CFAP54: variants seen among roughly 807,000 people sequenced by gnomAD.
CFAP54 encodes the protein cilia- and flagella-associated protein 54.
In CFAP54, 290 loss-of-function variants were observed where a neutral mutation model predicts 370.4. That is an observed-to-expected ratio of 0.78 (90% CI 0.71 to 0.86). The LOEUF is 0.86. Among genes scored for constraint, CFAP54 ranks in the 40% least tolerant of loss-of-function variants. The pLI is 0.00. For synonymous variants in CFAP54, 1,206 were observed against 1,236.5 expected, an observed-to-expected ratio of 0.98 and a Z score of 0.52; for missense variants, 3,399 against 3,528.7, an observed-to-expected ratio of 0.96 and a Z score of 0.93.
chr12:96,875,249 T>C lies in CFAP54; in HGVS notation c.*146T>C, dbSNP rs1251124491. 1 of 152,216 alleles carries C rather than the reference T, an allele frequency of 6.6e-6. No individual in the cohort carries two copies. Among genetic ancestry groups the C allele is most frequent in the Non-Finnish European group, 1.5e-5 (1 of 68,042 alleles). The allele number at this position is 152,216 out of a possible 1,614,324, so 9.4% of individuals were successfully genotyped here. A position where few individuals can be genotyped will look rare whatever the true frequency, so the allele number is the denominator to read the frequency against. ...TCAATGTCTTGCTTGCACAGAAGCC[T>C]CTAGTTCAAACTTGGATCTTGCCCC... On this transcript the variant is annotated 3_prime_UTR_variant, in exon 68 of 68. Transcript: ENST00000524981.
intron 20 of CFAP54, among the ~76,000 whole-genome samples, chr12:96,577,470 A>G (rs935673111): frequency 3.3e-5 from 5 of 152,116 alleles, no homozygotes; most frequent in Admixed American, 6.6e-5. Context: ...ATAAAAATAA[A>G]GTTTTATCTT....
intron 30 of CFAP54, among the ~76,000 whole-genome samples, chr12:96,629,679 C>T (rs1034585356): frequency 2.0e-5 from 3 of 151,748 alleles, no homozygotes; most frequent in Non-Finnish European, 4.4e-5. Flanking sequence ...TTTAAATCTT[C>T]CTAATTTTTT....
chr12:96,767,172 A>G (rs1247664759), intron 60 of CFAP54, among the ~76,000 whole-genome samples: 3 of 152,256 alleles, frequency 2.0e-5, no homozygotes, highest in African/African-American at 7.2e-5. Context: ...GAAGGGAGAG[A>G]GGCATGGATG....
At chr12:96,748,621 G>C (rs1381054482) in intron 55 of CFAP54, among the ~76,000 whole-genome samples, 1 of 152,212 alleles carries the variant, frequency 6.6e-6, no homozygotes, top group Non-Finnish European at 1.5e-5. Flanking sequence ...CTCAGTAGCA[G>C]AATCTTTGGG....
At chr12:96,573,114 C>A in intron 19 of CFAP54, 1 of 843,764 alleles carries the variant, frequency 1.2e-6, no homozygotes, top group East Asian at 1.2e-4. Context: ...ATTTTACAGG[C>A]TCCAGACATA....
intron 26 of CFAP54, among the ~76,000 whole-genome samples, chr12:96,611,798 T>C (rs1444109632): frequency 2.0e-5 from 3 of 152,146 alleles, no homozygotes; most frequent in Non-Finnish European, 4.4e-5. Context: ...TCAACAGTGA[T>C]TGAAGATCAA....
At chr12:96,589,754 C>G (rs376865363) in intron 23 of CFAP54, among the ~76,000 whole-genome samples, 191 bp downstream of exon 23, 2 of 151,774 alleles carry the variant, frequency 1.3e-5, no homozygotes, top group East Asian at 3.9e-4. Flanking sequence ...TTCTTTCTTT[C>G]TTTCTTTTTT....
chr12:96,731,695 T>C (rs1565957721), intron 50 of CFAP54, among the ~76,000 whole-genome samples: 1 of 152,180 alleles, frequency 6.6e-6, no homozygotes, highest in Non-Finnish European at 1.5e-5. Context: ...TTTAAAAATA[T>C]TGTATAATAA....
intron 55 of CFAP54, among the ~76,000 whole-genome samples, chr12:96,747,991 A>G (rs897925605): frequency 6.6e-6 from 1 of 151,482 alleles, no homozygotes; most frequent in African/African-American, 2.4e-5. Flanking sequence ...TTAGACATTC[A>G]TTGTACTTTT....
At chr12:96,592,742 G>A (rs377330606) in intron 24 of CFAP54, 105 bp downstream of exon 24, 20 of 378,244 alleles carry the variant, frequency 5.3e-5, no homozygotes, top group East Asian at 1.5e-4. Context: ...TCTGGTGAAT[G>A]GACTGAAAGG....
chr12:96,843,731 C>T (rs12302708), intron 66 of CFAP54, among the ~76,000 whole-genome samples: 7,826 of 152,118 alleles, frequency 0.051, 488 homozygotes, highest in African/African-American at 0.16. Flanking sequence ...CCCAGTTTGC[C>T]GGGCACAATC....
At chr12:96,821,705 A>T (rs201090659) in intron 65 of CFAP54, among the ~76,000 whole-genome samples, 1,400 of 43,650 alleles carry the variant, frequency 0.032, 48 homozygotes, top group East Asian at 0.25. Context: ...ACTTTATTAA[A>T]AAAAAAAAAA....
chr12:96,761,247 G>A (rs770732737), intron 58 of CFAP54, among the ~76,000 whole-genome samples: 2 of 150,096 alleles, frequency 1.3e-5, no homozygotes, highest in Non-Finnish European at 2.9e-5. Flanking sequence ...TGTGCTTATT[G>A]GCCATTTGTG....
intron 36 of CFAP54, among the ~76,000 whole-genome samples, chr12:96,655,076 T>G (rs1488853356): frequency 6.6e-6 from 1 of 152,086 alleles, no homozygotes; most frequent in Admixed American, 6.5e-5. Flanking sequence ...ATTCACTATA[T>G]ATGTGATATC....
At chr12:96,764,312 G>T (rs1958374140) in intron 59 of CFAP54, 63 bp downstream of exon 59, 3 of 1,258,442 alleles carry the variant, frequency 2.4e-6, no homozygotes, top group Middle Eastern at 4.4e-4. Context: ...TGCCTTTAAA[G>T]AACACAATAT....
Position 96,657,973 on chromosome 12 carries a change from C to T in CFAP54, c.5192C>T (p.Pro1731Leu). 1 of 1,613,508 alleles carries T rather than the reference C, an allele frequency of 6.2e-7. No individual in the cohort carries two copies. The highest frequency in any genetic ancestry group is 8.5e-7 in the Non-Finnish European group (1 of 1,179,730). ...GGTTCTAGTCTTACCTTTGAGCATC[C>T]TTTGGATGATGTAAATGTGGTTGAT... Reference protein sequence around the residue: ...NGGSSLTFEHPLDDVNVVDLK... With the variant: ...NGGSSLTFEHLLDDVNVVDLK... The change falls in exon 37 of 68, where the codon CCT becomes CTT. Residue 1731 changes from proline to leucine, a missense_variant. By Grantham distance (98) the Pro-to-Leu change is moderately conservative. This residue lies in a region of CFAP54 where 2,796 missense variants were observed against 2,869.7 expected (regional missense o/e 0.97). Coordinates refer to ENST00000524981, the MANE Select transcript of CFAP54 (RefSeq NM_001306084.2).
chr12:96,793,394 T>C (rs1452853328), intron 63 of CFAP54, among the ~76,000 whole-genome samples: 1 of 151,380 alleles, frequency 6.6e-6, no homozygotes, highest in African/African-American at 2.4e-5. Context: ...TCATTAGTAT[T>C]CCATGGTGTG....
At chr12:96,625,245 C>T (rs910206210) in intron 28 of CFAP54, among the ~76,000 whole-genome samples, 1 of 152,104 alleles carries the variant, frequency 6.6e-6, no homozygotes, top group Non-Finnish European at 1.5e-5. Flanking sequence ...GATATGGAAA[C>T]TGAGGCACAG....
intron 36 of CFAP54, among the ~76,000 whole-genome samples, chr12:96,652,171 T>G (rs1158970591): frequency 6.6e-6 from 1 of 152,236 alleles, no homozygotes; most frequent in Non-Finnish European, 1.5e-5. Context: ...AGCTGGTCTT[T>G]ATTCCACTGC....
Sources: gnomAD v4.1 joint callset for allele counts (sites outside exome capture counted in the v4.1 genomes callset) on GRCh38, gnomAD v4.1.1 for gene constraint, gnomAD v4.1.1 regional missense constraint, MANE v1.5 for transcripts, NCBI Gene and HGNC (gene_info 2026-07-23, HGNC 2026-07-21) for gene names.